DLC1: variants seen among roughly 807,000 people sequenced by gnomAD.
DLC1 encodes rho GTPase-activating protein 7.
A neutral mutation model predicts 140.3 loss-of-function variants in DLC1; 54 were observed. That is an observed-to-expected ratio of 0.38 (90% CI 0.31 to 0.48). DLC1 has a LOEUF of 0.48. Among genes scored for constraint, DLC1 ranks in the 20% least tolerant of loss-of-function variants. The pLI is 0.96. For synonymous variants in DLC1, 986 were observed against 728.1 expected, an observed-to-expected ratio of 1.35 and a Z score of -5.70; for missense variants, 2,536 against 1,907.0, an observed-to-expected ratio of 1.33 and a Z score of -6.14.
chr8:13,304,113 G>A (rs1025361440), intron 5 of DLC1, among the ~76,000 whole-genome samples: 3 of 152,092 alleles, frequency 2.0e-5, no homozygotes, highest in Non-Finnish European at 4.4e-5. Context: ...GTAAGATACT[G>A]GAGATTTAAA....
chr8:13,214,839 T>A, intron 5 of DLC1: 1 of 760,384 alleles, frequency 1.3e-6, no homozygotes, highest in Admixed American at 1.7e-5. Context: ...CTGGTGGCAA[T>A]CAATGAGTGG....
intron 2 of DLC1, among the ~76,000 whole-genome samples, chr8:13,477,412 G>A (rs1800483270): frequency 1.3e-5 from 2 of 152,176 alleles, no homozygotes; most frequent in Admixed American, 1.3e-4. Flanking sequence ...GAGACCAGGA[G>A]CACGGATGTA....
chr8:13,497,096 G>C (rs940628667), intron 2 of DLC1, among the ~76,000 whole-genome samples: 1 of 151,942 alleles, frequency 6.6e-6, no homozygotes, highest in Non-Finnish European at 1.5e-5. Context: ...CACCGCGCCT[G>C]GCCTAAACAA....
rs138358665 is a variant in DLC1, at chr8:13,550,187, C to G, written c.-125-49991G>C. Among the ~76,000 whole-genome samples the G allele has an allele frequency of 4.2e-3, 645 of 152,146 alleles. 5 individuals carry two copies. Among genetic ancestry groups the G allele is most frequent in the African/African-American group, 0.014 (598 of 41,536 alleles). On this transcript the variant is annotated intron_variant, in intron 1 of 1. Coordinates refer to the DLC1 transcript ENST00000631382. Reference sequence around the variant, plus strand: ...GGGGAGGTGATTGGATTATGGGGGGCAGTTCCCCCATGCTGTGCTTGTGAT... The same window carrying G: ...GGGGAGGTGATTGGATTATGGGGGGGAGTTCCCCCATGCTGTGCTTGTGAT...
chr8:13,530,861 A>G (rs1803073102), intron 1 of DLC1, among the ~76,000 whole-genome samples: 1 of 152,214 alleles, frequency 6.6e-6, no homozygotes, highest in Admixed American at 6.5e-5. Flanking sequence ...AACAAATGAA[A>G]AACTCTTTAT....
intron 4 of DLC1, among the ~76,000 whole-genome samples, chr8:13,347,477 G>A (rs1000287931): frequency 3.3e-5 from 5 of 152,190 alleles, no homozygotes; most frequent in Admixed American, 1.3e-4. Flanking sequence ...GCATGAGAGA[G>A]GGGCAGGCTT....
intron 1 of DLC1, among the ~76,000 whole-genome samples, chr8:13,597,201 C>T (rs1471793351): frequency 6.6e-6 from 1 of 151,968 alleles, no homozygotes; most frequent in Admixed American, 6.6e-5. Flanking sequence ...TCAGAATGCC[C>T]ACACTTAATT....
At chr8:13,123,076 T>C (rs1444256422) in intron 5 of DLC1, among the ~76,000 whole-genome samples, 1 of 152,010 alleles carries the variant, frequency 6.6e-6, no homozygotes, top group Non-Finnish European at 1.5e-5. Flanking sequence ...CACAGTGGAG[T>C]ACAGCGCGTA....
At chr8:13,424,343 G>T (rs553589176) in intron 2 of DLC1, among the ~76,000 whole-genome samples, 2 of 151,992 alleles carry the variant, frequency 1.3e-5, no homozygotes, top group Admixed American at 1.3e-4. Context: ...ACAAAAATTA[G>T]CCAGGTATGG....
At position 13,298,274 on chromosome 8, in the gene DLC1, C is replaced by T. The variant is rs76936594; in HGVS notation, c.1348+6995G>A. Among the ~76,000 whole-genome samples, 811 of 152,282 alleles carry T rather than the reference C, an allele frequency of 5.3e-3. 8 individuals carry two copies. The highest frequency in any genetic ancestry group is 0.019 in the African/African-American group (777 of 41,544). ...AAGCAACCAAAGTCAGGCTCTAAGT[C>T]ATCTTCTTCAATGGCCCCCTTTACA... On this transcript the variant is annotated intron_variant, in intron 5 of 17. Coordinates refer to ENST00000276297, the MANE Select transcript of DLC1 (RefSeq NM_182643.3).
intron 1 of DLC1, among the ~76,000 whole-genome samples, chr8:13,574,736 G>T (rs1274311432): frequency 1.3e-5 from 2 of 152,258 alleles, no homozygotes; most frequent in East Asian, 3.9e-4. Context: ...TGAAACTCTT[G>T]AGATAGAAGT....
chr8:13,133,021 G>C, intron 5 of DLC1: 2 of 1,592,200 alleles, frequency 1.3e-6, no homozygotes, highest in Non-Finnish European at 1.7e-6. Flanking sequence ...TGGGGAAGTC[G>C]AGGCAGGCGG....
intron 1 of DLC1, among the ~76,000 whole-genome samples, chr8:13,579,315 T>TTTTTTA (rs1487346725): frequency 0.016 from 174 of 10,652 alleles, 39 homozygotes; most frequent in Non-Finnish European, 0.024. Context: ...AGGTCTGACT[T>TTTTTTA]TATATATATA....
At chr8:13,415,949 A>C (rs1205269724) in intron 2 of DLC1, among the ~76,000 whole-genome samples, 1 of 152,218 alleles carries the variant, frequency 6.6e-6, no homozygotes, top group Non-Finnish European at 1.5e-5. Context: ...GAAGTTTCAA[A>C]CAACTATGCC....
At chr8:13,536,401 C>G (rs1803286441) in intron 1 of DLC1, among the ~76,000 whole-genome samples, 1 of 152,120 alleles carries the variant, frequency 6.6e-6, no homozygotes, top group South Asian at 2.1e-4. Context: ...TAATGCAGCT[C>G]AGAGTGGTAG....
At chr8:13,588,900 G>A (rs2117467337) in intron 1 of DLC1, among the ~76,000 whole-genome samples, 1 of 152,176 alleles carries the variant, frequency 6.6e-6, no homozygotes, top group South Asian at 2.1e-4. Context: ...TGAGGAGGGA[G>A]AAGGTCACCT....
intron 6 of DLC1, among the ~76,000 whole-genome samples, chr8:13,114,323 C>T (rs1368142279): frequency 6.6e-6 from 1 of 152,232 alleles, no homozygotes; most frequent in Non-Finnish European, 1.5e-5. Context: ...AATCACACCA[C>T]TGAACTCCAG....
chr8:13,590,611 A>G (rs988508050), intron 1 of DLC1, among the ~76,000 whole-genome samples: 2 of 152,056 alleles, frequency 1.3e-5, no homozygotes, highest in African/African-American at 4.8e-5. Context: ...AGCCTTCCAA[A>G]ATACTCTGGG....
intron 5 of DLC1, among the ~76,000 whole-genome samples, chr8:13,178,684 G>A (rs1311409746): frequency 4.7e-5 from 7 of 148,690 alleles, no homozygotes; most frequent in African/African-American, 1.7e-4. Context: ...AATCAACAAT[G>A]GTTTCGTATC....
Sources: gnomAD v4.1 joint callset for allele counts (sites outside exome capture counted in the v4.1 genomes callset) on GRCh38, gnomAD v4.1.1 for gene constraint, MANE v1.5 for transcripts, NCBI Gene and HGNC (gene_info 2026-07-23, HGNC 2026-07-21) for gene names.